The following FOXJ3 variants were observed in gnomAD, a reference collection of about 807,000 sequenced individuals.
FOXJ3 encodes the protein forkhead box protein J3.
Under a neutral mutation model 76.1 loss-of-function variants are expected in FOXJ3, and 22 were observed. That is an observed-to-expected ratio of 0.29 (90% CI 0.21 to 0.41). The LOEUF (loss-of-function observed/expected upper bound fraction) is 0.41, where lower values mean the gene tolerates loss of function less well. Ranked by LOEUF, FOXJ3 falls within the 10% of genes least tolerant of loss-of-function variation. FOXJ3 has a pLI of 1.00. For synonymous variants in FOXJ3, 269 were observed against 261.2 expected, an observed-to-expected ratio of 1.03 and a Z score of -0.29; for missense variants, 613 against 762.1, an observed-to-expected ratio of 0.80 and a Z score of 2.30.
At chr1:42,313,616 C>G (rs1654936611) in intron 1 of FOXJ3, among the ~76,000 whole-genome samples, 1 of 152,144 alleles carries the variant, frequency 6.6e-6, no homozygotes, top group South Asian at 2.1e-4. Context: ...ATAGAAGTTA[C>G]TAGACATCCT....
In FOXJ3 at chr1:42,189,003, T is replaced by G; in HGVS notation, c.1454-75A>C. 3.1e-6 allele frequency: 3 copies of G among 981,504 alleles called. No homozygotes were observed. The South Asian group carries it at 5.6e-5, about 18-fold the overall frequency. 60.8% of individuals were successfully genotyped at this position (981,504 alleles called of 1,614,324 possible). On this transcript the variant is annotated intron_variant, in intron 10 of 12. Transcript: ENST00000361346. ...TGCAAGGAAAATAGCAAGACATAAT[T>G]TTTTTCAGCTCTCAAAATTTCCACT...
Position 42,191,297 on chromosome 1 carries a change from A to G in FOXJ3, c.1351+6T>C. ...GCCAAACACAAACCAGGAGACAAAA[A>G]CTTACCAGAATTACAGGATACCTGT... On this transcript the variant is annotated splice_donor_region_variant and intron_variant, in intron 9 of 12. Coordinates refer to ENST00000361346, the MANE Select transcript of FOXJ3 (RefSeq NM_014947.5). 6.5e-7 allele frequency: 1 copy of G among 1,528,968 alleles called. No individual in the cohort carries two copies. Among genetic ancestry groups the G allele is most frequent in the Non-Finnish European group, 8.8e-7 (1 of 1,135,134 alleles). The allele number at this position is 1,528,968 out of a possible 1,614,324, so 94.7% of individuals were successfully genotyped here.
chr1:42,265,383 T>C (rs1291748597), intron 3 of FOXJ3, among the ~76,000 whole-genome samples, 194 bp from the exon 4 acceptor site: 13 of 152,210 alleles, frequency 8.5e-5, no homozygotes, highest in Non-Finnish European at 1.5e-4. Context: ...AAGCTGTTAC[T>C]GGAAAATAAT....
intron 4 of FOXJ3, among the ~76,000 whole-genome samples, chr1:42,239,189 T>C (rs748473657): frequency 2.6e-5 from 4 of 152,216 alleles, no homozygotes; most frequent in African/African-American, 4.8e-5. Flanking sequence ...TAGGATCTAA[T>C]GTTTGCAAAT....
chr1:42,231,455 G>C (rs924288872), intron 4 of FOXJ3, among the ~76,000 whole-genome samples: 1 of 152,150 alleles, frequency 6.6e-6, no homozygotes, highest in African/African-American at 2.4e-5. Context: ...TAAAATGATG[G>C]TTGGTAGGGG....
intron 4 of FOXJ3, among the ~76,000 whole-genome samples, chr1:42,237,072 A>G (rs1648701585): frequency 6.6e-6 from 1 of 152,016 alleles, no homozygotes; most frequent in South Asian, 2.1e-4. Flanking sequence ...TATTTGGATT[A>G]TAAGAATATA....
chr1:42,251,570 G>A (rs1361560173), intron 4 of FOXJ3, among the ~76,000 whole-genome samples: 1 of 152,082 alleles, frequency 6.6e-6, no homozygotes, highest in African/African-American at 2.4e-5. Context: ...TGTGGTTTTT[G>A]TCTTTGGTTC....
intron 2 of FOXJ3, among the ~76,000 whole-genome samples, chr1:42,305,146 A>G (rs184584385): frequency 2.2e-4 from 34 of 152,338 alleles, no homozygotes; most frequent in Non-Finnish European, 4.3e-4. Flanking sequence ...AAAAGTGCTC[A>G]ATGTCACTGA....
intron 3 of FOXJ3, among the ~76,000 whole-genome samples, chr1:42,270,052 T>A (rs1443210360): frequency 3.9e-5 from 6 of 152,198 alleles, no homozygotes; most frequent in Non-Finnish European, 8.8e-5. Context: ...AGACTCTTCA[T>A]GATCTGACCC....
At chr1:42,288,929 T>A (rs1354870531) in intron 2 of FOXJ3, among the ~76,000 whole-genome samples, 1 of 152,076 alleles carries the variant, frequency 6.6e-6, no homozygotes, top group Non-Finnish European at 1.5e-5. Flanking sequence ...TGGCAAAGGG[T>A]TTTTTAAAGA....
At chr1:42,289,940 A>G (rs1400081947) in intron 2 of FOXJ3, among the ~76,000 whole-genome samples, 1 of 152,124 alleles carries the variant, frequency 6.6e-6, no homozygotes, top group Admixed American at 6.5e-5. Flanking sequence ...AAAGATAAAA[A>G]GGGGTAAGTA....
At chr1:42,309,525 A>G (rs1315048365) in intron 2 of FOXJ3, among the ~76,000 whole-genome samples, 3 of 152,168 alleles carry the variant, frequency 2.0e-5, no homozygotes, top group East Asian at 1.9e-4. Context: ...GCCCTTTATC[A>G]TATCACTAAC....
rs1656412178 is a variant in FOXJ3, at chr1:42,335,172, A to G, written c.-131T>C. On this transcript the variant is annotated 5_prime_UTR_variant, in exon 1 of 13. Coordinates refer to ENST00000361346, the MANE Select transcript of FOXJ3 (RefSeq NM_014947.5). The stretch of plus-strand genomic sequence containing the variant: ...ACTGCGAGCGGTCGAGGCCCCGAGC[A>G]GCCCCGAGAGCGGCGGCGGCAGCAA... 1.3e-5 allele frequency: 2 copies of G among 152,060 alleles called. No individual in the cohort carries two copies. The highest frequency in any genetic ancestry group is 6.6e-5 in the Admixed American group (1 of 15,266). 9.4% of individuals were successfully genotyped at this position (152,060 alleles called of 1,614,324 possible). A position where few individuals can be genotyped will look rare whatever the true frequency, so the allele number is the denominator to read the frequency against.
At chr1:42,294,862 T>C (rs762148702) in intron 2 of FOXJ3, among the ~76,000 whole-genome samples, 12 of 151,724 alleles carry the variant, frequency 7.9e-5, no homozygotes, top group Non-Finnish European at 1.6e-4. Context: ...ATAAATTAGA[T>C]TCAGAGAAAT....
At chr1:42,306,144 TG>T (rs1253517528) in intron 2 of FOXJ3, among the ~76,000 whole-genome samples, 1 of 152,208 alleles carries the variant, frequency 6.6e-6, no homozygotes, top group Non-Finnish European at 1.5e-5. Flanking sequence ...AGTAAGCTGT[TG>T]CTCTTACTGC....
intron 12 of FOXJ3, among the ~76,000 whole-genome samples, chr1:42,181,408 T>C (rs904391902): frequency 1.3e-5 from 2 of 152,182 alleles, no homozygotes; most frequent in Non-Finnish European, 2.9e-5. Flanking sequence ...CTGGAAACTA[T>C]AGCTGGGGGA....
Position 42,188,763 on chromosome 1 carries a change from G to A in FOXJ3, c.1619C>T (p.Thr540Ile). 4 of 1,606,310 alleles carry A rather than the reference G, an allele frequency of 2.5e-6. No homozygotes were observed. Among genetic ancestry groups the A allele is most frequent in the Non-Finnish European group, 3.4e-6 (4 of 1,175,726 alleles). ...TGTTCCAATGTGTTGGGAAGGTTTT[G>A]TTGGATGCATGGCACCATGACAAAC... ...QNVCHGAMHPTKPSQHIGTGN... is the reference protein window; with the variant it reads ...QNVCHGAMHPIKPSQHIGTGN... The change falls in exon 11 of 13, where the codon ACA (threonine) becomes ATA (isoleucine). Residue 540 changes from threonine to isoleucine, a missense_variant. By Grantham distance (89) the Thr-to-Ile change is moderately conservative. This residue lies in a region of FOXJ3 where 526 missense variants were observed against 601.4 expected (regional missense o/e 0.87). Transcript: ENST00000361346.
At chr1:42,216,818 T>C (rs968318537) in intron 5 of FOXJ3, among the ~76,000 whole-genome samples, 1 of 151,996 alleles carries the variant, frequency 6.6e-6, no homozygotes, top group Admixed American at 6.5e-5. Flanking sequence ...AAAAATGAGA[T>C]ACTAAAATAT....
chr1:42,182,285 T>A (rs909909234), intron 11 of FOXJ3, among the ~76,000 whole-genome samples: 1 of 152,220 alleles, frequency 6.6e-6, no homozygotes, highest in Non-Finnish European at 1.5e-5. Flanking sequence ...GTTATGTCTA[T>A]TATTGTTGCT....
Sources: allele counts gnomAD v4.1 joint callset (sites outside exome capture counted in the v4.1 genomes callset), GRCh38; gene constraint gnomAD v4.1.1; regional missense constraint gnomAD v4.1.1; transcripts MANE v1.5; gene names NCBI Gene and HGNC (gene_info 2026-07-23, HGNC 2026-07-21).